The following SNTG1 variants were observed in gnomAD, a reference collection of about 807,000 sequenced individuals.
The protein encoded by SNTG1 is gamma-1-syntrophin.
SNTG1 carries 39 observed loss-of-function variants against 74.7 expected under a neutral mutation model. The ratio of observed to expected loss-of-function variants is 0.52; its 90% confidence interval spans 0.40 to 0.68. The LOEUF (loss-of-function observed/expected upper bound fraction) is 0.68, where lower values mean the gene tolerates loss of function less well. Ranked by LOEUF, SNTG1 falls within the 30% of genes least tolerant of loss-of-function variation. The probability of loss-of-function intolerance (pLI) is 0.00; values close to 1 mark genes in which losing one functional copy is unlikely to be tolerated. For synonymous variants in SNTG1, 254 were observed against 217.1 expected (o/e 1.17, Z -1.49); for missense variants, 685 against 609.5 (o/e 1.12, Z -1.30).
At chr8:50,577,867 T>C (rs1387419681) in intron 12 of SNTG1, among the ~76,000 whole-genome samples, 1 of 152,150 alleles carries the variant, frequency 6.6e-6, no homozygotes, top group African/African-American at 2.4e-5. Context: ...TAAATCAGCT[T>C]CTAGTAAAAG....
chr8:50,159,063 G>T (rs757934688), intron 1 of SNTG1, among the ~76,000 whole-genome samples: 1 of 152,100 alleles, frequency 6.6e-6, no homozygotes, highest in Non-Finnish European at 1.5e-5. Context: ...ACTAGTGGGC[G>T]TTGAGTGCTT....
chr8:50,383,233 A>T (rs563559575), intron 2 of SNTG1, among the ~76,000 whole-genome samples: 41 of 152,320 alleles, frequency 2.7e-4, no homozygotes, highest in African/African-American at 9.9e-4. Flanking sequence ...CATCCTTCTA[A>T]CGAATATGAT....
intron 13 of SNTG1, among the ~76,000 whole-genome samples, chr8:50,610,724 G>A (rs1047513911): frequency 2.6e-5 from 4 of 152,032 alleles, no homozygotes; most frequent in Non-Finnish European, 5.9e-5. Context: ...TAATTTCATC[G>A]ACCGCTGAGA....
chr8:50,638,646 A>C (rs2095053969), intron 13 of SNTG1, among the ~76,000 whole-genome samples: 1 of 152,098 alleles, frequency 6.6e-6, no homozygotes, highest in Admixed American at 6.6e-5. Flanking sequence ...TGAGGTTTTA[A>C]GGTATTCTTG....
chr8:49,949,883 C>T (rs975799704), intron 1 of SNTG1, among the ~76,000 whole-genome samples: 3 of 152,198 alleles, frequency 2.0e-5, no homozygotes, highest in East Asian at 1.9e-4. Flanking sequence ...CCCAGGCCTA[C>T]GATCCCAGCA....
chr8:50,562,127 A>G (rs1410208921), intron 12 of SNTG1, among the ~76,000 whole-genome samples: 3 of 152,228 alleles, frequency 2.0e-5, no homozygotes, highest in Non-Finnish European at 2.9e-5. Flanking sequence ...TTCAAAACTG[A>G]CATTTTATCT....
Position 50,644,934 on chromosome 8 carries a change from T to C in SNTG1, c.850-11975T>C, listed in dbSNP as rs1037697948. ...TGCCCAGGTGCTTTTTTTTTTTTTT[T>C]TTCCTACAGATGAGGTCCGCTATGT... On this transcript the variant is annotated intron_variant, in intron 13 of 18. Coordinates refer to ENST00000642720, the MANE Select transcript of SNTG1 (RefSeq NM_018967.5). Among the ~76,000 whole-genome samples, 153 of 151,586 alleles carry C rather than the reference T, an allele frequency of 1.0e-3. 2 individuals carry two copies. The highest frequency in any genetic ancestry group is 1.4e-3 in the Non-Finnish European group (95 of 67,852).
At chr8:50,573,746 C>T (rs563334575) in intron 12 of SNTG1, among the ~76,000 whole-genome samples, 1 of 151,722 alleles carries the variant, frequency 6.6e-6, no homozygotes, top group African/African-American at 2.4e-5. Context: ...ACAGAATACT[C>T]AAATTTTAAA....
At chr8:50,484,213 C>CTTCCTTCCTTCCTTCCTTCCTTCT (rs2093769769) in intron 8 of SNTG1, among the ~76,000 whole-genome samples, 1 of 109,010 alleles carries the variant, frequency 9.2e-6, no homozygotes, top group African/African-American at 4.0e-5. Context: ...TCCTTCCTTC[C>CTTCCTTCCTTCCTTCCTTCCTTCT]TTCTTTCTTT....
At chr8:50,112,014 A>C (rs1178052199) in intron 1 of SNTG1, among the ~76,000 whole-genome samples, 1 of 152,162 alleles carries the variant, frequency 6.6e-6, no homozygotes, top group Non-Finnish European at 1.5e-5. Flanking sequence ...TAAGAAAATT[A>C]TATTTTATCA....
At chr8:50,254,434 G>C (rs192303515) in intron 2 of SNTG1, among the ~76,000 whole-genome samples, 3 of 152,148 alleles carry the variant, frequency 2.0e-5, no homozygotes, top group Non-Finnish European at 2.9e-5. Flanking sequence ...TTTATAGCCT[G>C]AGTTTTACAA....
intron 2 of SNTG1, among the ~76,000 whole-genome samples, chr8:50,174,509 T>A (rs1051876516): frequency 6.6e-6 from 1 of 152,202 alleles, no homozygotes; most frequent in African/African-American, 2.4e-5. Flanking sequence ...TTTTCATCAT[T>A]CATGTAAACT....
chr8:49,998,953 AAC>A (rs1169362112), intron 1 of SNTG1, among the ~76,000 whole-genome samples: 1 of 152,160 alleles, frequency 6.6e-6, no homozygotes, highest in Non-Finnish European at 1.5e-5. Context: ...ATAGACTGGC[AAC>A]ACAGTCTATA....
chr8:50,401,704 G>A (rs1177050792), intron 3 of SNTG1, among the ~76,000 whole-genome samples: 3 of 152,084 alleles, frequency 2.0e-5, no homozygotes, highest in African/African-American at 7.2e-5. Flanking sequence ...TTTAGAGTAG[G>A]CTGGGGCAGT....
intron 8 of SNTG1, among the ~76,000 whole-genome samples, chr8:50,469,076 C>T (rs919804514): frequency 3.9e-5 from 6 of 152,142 alleles, no homozygotes; most frequent in Non-Finnish European, 7.4e-5. Flanking sequence ...TTTATTCTTT[C>T]ATTGGCATTC....
chr8:50,699,038 CAA>C (rs1394273385), intron 15 of SNTG1, among the ~76,000 whole-genome samples: 1 of 151,950 alleles, frequency 6.6e-6, no homozygotes, highest in Non-Finnish European at 1.5e-5. Context: ...TGTTTGTAAA[CAA>C]AAAAGTTACT....
chr8:50,235,353 A>G (rs2132091431), intron 2 of SNTG1, among the ~76,000 whole-genome samples: 1 of 152,324 alleles, frequency 6.6e-6, no homozygotes, highest in South Asian at 2.1e-4. Context: ...CAGAAAGACA[A>G]ACATAGCAAG....
In SNTG1 at chr8:50,522,656, G is replaced by T. The variant is rs113287777; in HGVS notation, c.467-7521G>T. ...TGCAGAGGTGTGATCTACACTAATTGCAGCCTTTGCCACTGAGGTTCAAGC... is the reference window on the plus strand; with the variant it reads ...TGCAGAGGTGTGATCTACACTAATTTCAGCCTTTGCCACTGAGGTTCAAGC... On this transcript the variant is annotated intron_variant, in intron 9 of 18. Coordinates refer to ENST00000642720, the MANE Select transcript of SNTG1 (RefSeq NM_018967.5). 2.6e-3 allele frequency among the ~76,000 whole-genome samples: 373 copies of T among 145,012 alleles called. 2 individuals carry two copies. Among genetic ancestry groups the T allele is most frequent in the African/African-American group, 8.9e-3 (348 of 38,946 alleles).
At chr8:50,140,066 T>C (rs2081605718) in intron 1 of SNTG1, among the ~76,000 whole-genome samples, 1 of 152,214 alleles carries the variant, frequency 6.6e-6, no homozygotes, top group African/African-American at 2.4e-5. Context: ...AAACTTGCAA[T>C]GTCATGAAGA....
Sources: allele counts gnomAD v4.1 joint callset (sites outside exome capture counted in the v4.1 genomes callset), GRCh38; gene constraint gnomAD v4.1.1; transcripts MANE v1.5; gene names NCBI Gene and HGNC (gene_info 2026-07-23, HGNC 2026-07-21).